Variants in SLCO2A1 observed in about 807,000 individuals in gnomAD.
SLCO2A1 encodes matrin F/G 1.
A neutral mutation model predicts 71.7 loss-of-function variants in SLCO2A1; 60 were observed. The ratio of observed to expected loss-of-function variants is 0.84; its 90% confidence interval spans 0.68 to 1.04. The LOEUF is 1.04. SLCO2A1 is among the 50% of genes least tolerant of loss of function. The pLI is 0.00. For synonymous variants in SLCO2A1, 308 were observed against 326.7 expected (o/e 0.94, Z 0.62); for missense variants, 745 against 813.4 (o/e 0.92, Z 1.02).
chr3:133,960,447 G>A (rs1208212273), intron 3 of SLCO2A1, among the ~76,000 whole-genome samples: 6 of 152,226 alleles, frequency 3.9e-5, no homozygotes, highest in African/African-American at 1.4e-4. Context: ...AAATATGCCA[G>A]ACACGGAAAG....
intron 1 of SLCO2A1, among the ~76,000 whole-genome samples, chr3:134,026,716 A>T (rs7625497): frequency 0.52 from 79,103 of 152,014 alleles, 22,011 homozygotes; most frequent in South Asian, 0.68. Flanking sequence ...CTCAGATGAG[A>T]AATGCTACCT....
intron 1 of SLCO2A1, among the ~76,000 whole-genome samples, chr3:134,017,862 C>G (rs965286044): frequency 6.6e-6 from 1 of 152,206 alleles, no homozygotes; most frequent in African/African-American, 2.4e-5. Flanking sequence ...CAAAGGGAAG[C>G]CACGTGCACA....
At chr3:134,009,512 T>C (rs1181387453) in intron 1 of SLCO2A1, among the ~76,000 whole-genome samples, 2 of 152,254 alleles carry the variant, frequency 1.3e-5, no homozygotes, top group South Asian at 2.1e-4. Flanking sequence ...AGGTGAGTCA[T>C]ATGATAAAGC....
chr3:134,015,626 ATACAT>A (rs1300111258), intron 1 of SLCO2A1, among the ~76,000 whole-genome samples: 1 of 152,244 alleles, frequency 6.6e-6, no homozygotes, highest in African/African-American at 2.4e-5. Context: ...CGAGGTCAAG[ATACAT>A]TAATTAGCTT....
intron 1 of SLCO2A1, among the ~76,000 whole-genome samples, chr3:134,013,387 AG>A (rs34951319): frequency 2.0e-5 from 3 of 152,228 alleles, no homozygotes; most frequent in Non-Finnish European, 4.4e-5. Flanking sequence ...AACGAGCAGC[AG>A]GAGTGTGACT....
At chr3:133,983,380 C>T (rs900452749) in intron 1 of SLCO2A1, among the ~76,000 whole-genome samples, 4 of 152,154 alleles carry the variant, frequency 2.6e-5, no homozygotes, top group Non-Finnish European at 4.4e-5. Context: ...TCCCAGCCCT[C>T]GATGCCAAGT....
chr3:133,983,478 A>C (rs1448207621), intron 1 of SLCO2A1, among the ~76,000 whole-genome samples: 3 of 152,230 alleles, frequency 2.0e-5, no homozygotes, highest in Non-Finnish European at 4.4e-5. Flanking sequence ...CATTGTTTTA[A>C]GCACCAAGTT....
At chr3:133,986,015 A>G (rs887337974) in intron 1 of SLCO2A1, among the ~76,000 whole-genome samples, 1 of 152,248 alleles carries the variant, frequency 6.6e-6, no homozygotes, top group African/African-American at 2.4e-5. Context: ...GCAGCCATGT[A>G]TGAAGGGACT....
intron 1 of SLCO2A1, among the ~76,000 whole-genome samples, chr3:134,017,056 T>C (rs985045905): frequency 6.6e-6 from 1 of 152,164 alleles, no homozygotes; most frequent in African/African-American, 2.4e-5. Context: ...CAAGGGGACG[T>C]GACTATAAAC....
intron 1 of SLCO2A1, among the ~76,000 whole-genome samples, chr3:133,986,179 T>C (rs1376538839): frequency 6.6e-6 from 1 of 152,248 alleles, no homozygotes; most frequent in African/African-American, 2.4e-5. Context: ...AAGAAATTCA[T>C]TTGAAAAAAG....
chr3:134,015,970 T>TA (rs1363660620), intron 1 of SLCO2A1, among the ~76,000 whole-genome samples: 3 of 151,508 alleles, frequency 2.0e-5, no homozygotes, highest in Non-Finnish European at 2.9e-5. Flanking sequence ...TAGCAATAGG[T>TA]AAAAAAACAA....
At position 134,005,630 on chromosome 3, in the gene SLCO2A1, T is replaced by G. The variant is rs112812346; in HGVS notation, c.96+24077A>C. 4.3e-3 allele frequency among the ~76,000 whole-genome samples: 661 copies of G among 151,956 alleles called. 7 individuals are homozygous for G. Among genetic ancestry groups the G allele is most frequent in the African/African-American group, 0.015 (612 of 41,470 alleles). ...CCGAGTAGCTGGGACTACAGGCGCC[T>G]GCCACCACGCCCGGCTAATTTTTTG... On this transcript the variant is annotated intron_variant, in intron 1 of 13. Coordinates refer to ENST00000310926, the MANE Select transcript of SLCO2A1 (RefSeq NM_005630.3).
intron 12 of SLCO2A1, among the ~76,000 whole-genome samples, chr3:133,937,193 G>A (rs923192910): frequency 2.0e-5 from 3 of 152,178 alleles, no homozygotes; most frequent in African/African-American, 7.2e-5. Flanking sequence ...GGTGCTGGAT[G>A]GGCTGAGAGG....
intron 1 of SLCO2A1, among the ~76,000 whole-genome samples, chr3:134,004,737 C>T (rs766284661): frequency 2.0e-5 from 3 of 152,092 alleles, no homozygotes; most frequent in Non-Finnish European, 4.4e-5. Flanking sequence ...GAGGAAGGGG[C>T]CACAAGCCAA....
intron 1 of SLCO2A1, among the ~76,000 whole-genome samples, chr3:134,009,968 A>G (rs891421863): frequency 1.2e-4 from 18 of 152,216 alleles, no homozygotes; most frequent in Admixed American, 3.9e-4. Flanking sequence ...TGGGCAATGC[A>G]TACCTCACAG....
At position 133,959,329 on chromosome 3, in the gene SLCO2A1, G is replaced by A. The variant is rs556027370; in HGVS notation, c.398-4136C>T. 6.0e-5 allele frequency among the ~76,000 whole-genome samples: 9 copies of A among 149,980 alleles called. No individual in the cohort carries two copies. In the South Asian group the frequency reaches 1.0e-3, roughly 17 times the overall value. On this transcript the variant is annotated intron_variant, in intron 3 of 13. Transcript: ENST00000310926. ...TACCCAGAGCATCAAAAAAGCAACC[G>A]TAATATTGCTTTATCAAATCAAAAC...
chr3:133,963,446 C>T lies in SLCO2A1; in HGVS notation c.398-8253G>A, dbSNP rs144938526. Among the ~76,000 whole-genome samples the T allele has an allele frequency of 1.0e-3, 155 of 152,266 alleles. 1 individual carries two copies. The highest frequency in any genetic ancestry group is 3.5e-3 in the African/African-American group (146 of 41,558). ...CTGGGGTAGGGAGGGGACCCTAGAA[C>T]GACCAAGCAACAAGAGAAGGCCATG... On this transcript the variant is annotated intron_variant, in intron 3 of 13. Coordinates refer to ENST00000310926, the MANE Select transcript of SLCO2A1 (RefSeq NM_005630.3).
intron 2 of SLCO2A1, 93 bp from the exon 3 acceptor site, chr3:133,973,918 G>T: frequency 7.8e-7 from 1 of 1,279,890 alleles, no homozygotes; most frequent in South Asian, 1.5e-5. Flanking sequence ...CAGGAAAACT[G>T]GAAAGGGAGG....
At chr3:133,982,074 G>A (rs1299376148) in intron 1 of SLCO2A1, among the ~76,000 whole-genome samples, 3 of 151,780 alleles carry the variant, frequency 2.0e-5, no homozygotes, top group African/African-American at 7.3e-5. Context: ...GGAAAGACAA[G>A]AGCCACATTA....
Sources: gnomAD v4.1 joint callset for allele counts (sites outside exome capture counted in the v4.1 genomes callset) on GRCh38, gnomAD v4.1.1 for gene constraint, MANE v1.5 for transcripts, NCBI Gene and HGNC (gene_info 2026-07-23, HGNC 2026-07-21) for gene names.